TTLL5: variants seen among roughly 807,000 people sequenced by gnomAD.
TTLL5 encodes tubulin polyglutamylase TTLL5.
A neutral mutation model predicts 168.4 loss-of-function variants in TTLL5; 132 were observed. The observed-to-expected ratio is 0.78, with a 90% CI of 0.68 to 0.91. The LOEUF (loss-of-function observed/expected upper bound fraction) is 0.91, where lower values mean the gene tolerates loss of function less well. Among genes scored for constraint, TTLL5 ranks in the 40% least tolerant of loss-of-function variants. The probability of loss-of-function intolerance (pLI) is 0.00; values close to 1 mark genes in which losing one functional copy is unlikely to be tolerated. For synonymous variants in TTLL5, 546 were observed against 558.6 expected, an observed-to-expected ratio of 0.98 and a Z score of 0.32; for missense variants, 1,545 against 1,581.5, an observed-to-expected ratio of 0.98 and a Z score of 0.39.
chr14:75,682,535 G>A (rs897503112), intron 4 of TTLL5, among the ~76,000 whole-genome samples: 2 of 152,146 alleles, frequency 1.3e-5, no homozygotes, highest in African/African-American at 4.8e-5. Flanking sequence ...CCTAGCTTGG[G>A]TTTGGATCCA....
intron 26 of TTLL5, among the ~76,000 whole-genome samples, chr14:75,790,535 A>C (rs1237406298): frequency 6.6e-6 from 1 of 151,452 alleles, no homozygotes; most frequent in Non-Finnish European, 1.5e-5. Context: ...TTAGTGGTGC[A>C]ATCATGGCTC....
intron 2 of TTLL5, among the ~76,000 whole-genome samples, chr14:75,666,337 C>T (rs890858385): frequency 1.3e-5 from 2 of 152,164 alleles, no homozygotes; most frequent in Non-Finnish European, 2.9e-5. Context: ...ACTATCCAGG[C>T]AGTCTTGTTT....
At position 75,735,227 on chromosome 14, in the gene TTLL5, T is replaced by C. The variant is rs1427593696; in HGVS notation, c.1219T>C (p.Ser407Pro). 1.2e-6 allele frequency: 2 copies of C among 1,614,098 alleles called. No individual in the cohort carries two copies. Among genetic ancestry groups the C allele is most frequent in the Non-Finnish European group, 1.7e-6 (2 of 1,180,002 alleles). Residue 407 changes from serine (S) to proline (P), a missense_variant, in exon 15 of 32, where the codon TCA (serine) becomes CCA (proline). Ser to Pro is a moderately conservative substitution (Grantham distance 74). Transcript: ENST00000298832. The part of the protein sequence containing the change: ...FVCQDPAQRA[S>P]TRPIYPTFES... The stretch of plus-strand genomic sequence containing the variant: ...GTGCCAAGATCCTGCCCAGCGGGCA[T>C]CAACTCGGCCAATTTATCCCACCTT...
intron 28 of TTLL5, among the ~76,000 whole-genome samples, chr14:75,861,787 A>T (rs1332200058): frequency 6.6e-6 from 1 of 152,212 alleles, no homozygotes; most frequent in African/African-American, 2.4e-5. Flanking sequence ...AGTGTTAAGG[A>T]GATGGAAGGA....
At chr14:75,725,827 A>G (rs1261755261) in intron 12 of TTLL5, among the ~76,000 whole-genome samples, 1 of 152,140 alleles carries the variant, frequency 6.6e-6, no homozygotes, top group Non-Finnish European at 1.5e-5. Flanking sequence ...CTACCTTTAC[A>G]TCTGGTAACC....
chr14:75,725,488 C>T (rs568594813), intron 12 of TTLL5, among the ~76,000 whole-genome samples: 5 of 152,178 alleles, frequency 3.3e-5, no homozygotes, highest in South Asian at 4.2e-4. Context: ...TTTTAGTCTT[C>T]GACAATTTTG....
At chr14:75,949,524 T>G (rs2034889251) in intron 31 of TTLL5, among the ~76,000 whole-genome samples, 1 of 150,360 alleles carries the variant, frequency 6.7e-6, no homozygotes, top group Non-Finnish European at 1.5e-5. Flanking sequence ...TTTAAGAAAT[T>G]AATGGAGAGA....
intron 20 of TTLL5, among the ~76,000 whole-genome samples, chr14:75,767,317 T>C (rs1250645790): frequency 2.0e-5 from 3 of 152,130 alleles, no homozygotes; most frequent in Non-Finnish European, 4.4e-5. Context: ...TACAGTCTAG[T>C]GGGGAAGAAT....
intron 10 of TTLL5, among the ~76,000 whole-genome samples, chr14:75,719,078 CG>C (rs1228702427): frequency 6.6e-6 from 1 of 152,124 alleles, no homozygotes; most frequent in Non-Finnish European, 1.5e-5. Context: ...TTCCAGATTG[CG>C]GGGCTCTTCC....
intron 6 of TTLL5, among the ~76,000 whole-genome samples, chr14:75,693,395 C>T (rs970215682): frequency 3.9e-5 from 6 of 152,100 alleles, no homozygotes; most frequent in Admixed American, 1.3e-4. Context: ...CCAAGGTGAT[C>T]TCATGAAGGT....
At chr14:75,738,377 G>A (rs571260754) in intron 15 of TTLL5, among the ~76,000 whole-genome samples, 53 of 152,254 alleles carry the variant, frequency 3.5e-4, no homozygotes, top group South Asian at 1.0e-3. Flanking sequence ...TTATTTTGGC[G>A]TTTGTACTCT....
rs2034240286 is a variant in TTLL5, at chr14:75,930,496, T to C, written c.3824-23928T>C. ...AGTATAATGCAAATATTCTAAAATC[T>C]GAAAAAAATCAAAATCTAAAACACT... On this transcript the variant is annotated intron_variant, in intron 31 of 31. Coordinates refer to ENST00000298832, the MANE Select transcript of TTLL5 (RefSeq NM_015072.5). 3 of 753,032 alleles carry C rather than the reference T, an allele frequency of 4.0e-6. No homozygotes were observed. The Admixed American group carries it at 1.9e-4, about 47-fold the overall frequency. The allele number at this position is 753,032 out of a possible 1,614,324, so 46.6% of individuals were successfully genotyped here. A position where few individuals can be genotyped will look rare whatever the true frequency, so the allele number is the denominator to read the frequency against.
chr14:75,879,535 A>G (rs1395479429), intron 29 of TTLL5, among the ~76,000 whole-genome samples: 2 of 152,208 alleles, frequency 1.3e-5, no homozygotes, highest in African/African-American at 4.8e-5. Context: ...TCCTTATTGA[A>G]TGCCTAGGCT....
Position 75,820,158 on chromosome 14 carries a change from G to A in TTLL5, c.3323G>A (p.Ser1108Asn), listed in dbSNP as rs1330066748. The change falls in exon 28 of 32, where the codon AGC (serine) becomes AAC (asparagine). Residue 1108 changes from serine to asparagine, a missense_variant. Transcript: ENST00000298832. ...GAGAATCACTCCAGCTCTCCTGGAAGCAGGTATGTGAAGGGCCCTGCAACT... is the reference window on the plus strand; with the variant it reads ...GAGAATCACTCCAGCTCTCCTGGAAACAGGTATGTGAAGGGCCCTGCAACT... The part of the protein sequence containing the change: ...APENHSSSPG[S>N]RSLQTGGFAW... The A allele has an allele frequency of 6.3e-7, 1 of 1,586,022 alleles. No individual in the cohort carries two copies. Among genetic ancestry groups the A allele is most frequent in the African/African-American group, 1.4e-5 (1 of 73,416 alleles).
At chr14:75,766,831 G>A (rs1045859415) in intron 20 of TTLL5, among the ~76,000 whole-genome samples, 2 of 152,104 alleles carry the variant, frequency 1.3e-5, no homozygotes, top group Non-Finnish European at 1.5e-5. Context: ...GCTTTGGGAA[G>A]TGATGGTTAA....
intron 29 of TTLL5, among the ~76,000 whole-genome samples, chr14:75,876,687 G>A (rs942935003): frequency 6.6e-6 from 1 of 152,190 alleles, no homozygotes; most frequent in Non-Finnish European, 1.5e-5. Flanking sequence ...AAGTTGTACT[G>A]TTTCTCTTGC....
At chr14:75,947,786 A>AG (rs2034821918) in intron 31 of TTLL5, among the ~76,000 whole-genome samples, 1 of 152,020 alleles carries the variant, frequency 6.6e-6, no homozygotes, top group South Asian at 2.1e-4. Context: ...CTCCAAAAAA[A>AG]TCGAAAAATT....
chr14:75,665,151 A>C (rs1285337205), intron 2 of TTLL5, among the ~76,000 whole-genome samples: 1 of 152,266 alleles, frequency 6.6e-6, no homozygotes, highest in Non-Finnish European at 1.5e-5. Flanking sequence ...ATATTATTAC[A>C]AAGAGTACTA....
At chr14:75,925,250 T>C (rs2033995498) in intron 31 of TTLL5, among the ~76,000 whole-genome samples, 1 of 148,434 alleles carries the variant, frequency 6.7e-6, no homozygotes, top group Non-Finnish European at 1.5e-5. Flanking sequence ...CCCACCTCCC[T>C]CCCGGACGGG....
Sources: allele counts gnomAD v4.1 joint callset (sites outside exome capture counted in the v4.1 genomes callset), GRCh38; gene constraint gnomAD v4.1.1; transcripts MANE v1.5; gene names NCBI Gene and HGNC (gene_info 2026-07-23, HGNC 2026-07-21).